The following POLR2B variants were observed in gnomAD, a reference collection of about 807,000 sequenced individuals.
The protein encoded by POLR2B is DNA-directed RNA polymerase II subunit RPB2.
Under a neutral mutation model 144.6 loss-of-function variants are expected in POLR2B, and 57 were observed. That is an observed-to-expected ratio of 0.39 (90% CI 0.32 to 0.49). POLR2B has a LOEUF of 0.49. Ranked by LOEUF, POLR2B falls within the 20% of genes least tolerant of loss-of-function variation. The pLI is 0.83. For synonymous variants in POLR2B, 442 were observed against 469.8 expected (o/e 0.94, Z 0.77); for missense variants, 595 against 1,467.4 (o/e 0.41, Z 9.71).
rs926051263 is a variant in POLR2B, at chr4:57,023,767, C to G, written c.2856+16C>G. Reference sequence around the variant, plus strand: ...TAGACAAGAGGTAGGTATCTTTGATCTCCCTCATGCCCAAACCAGTTTTGT... The same window carrying G: ...TAGACAAGAGGTAGGTATCTTTGATGTCCCTCATGCCCAAACCAGTTTTGT... On this transcript the variant is annotated intron_variant, in intron 20 of 24. Transcript: ENST00000314595. This position sits in a 1 kb window ranked among gnomAD's most constrained non-coding sequence, Gnocchi z 4.3. 1 of 1,469,256 alleles carries G rather than the reference C, an allele frequency of 6.8e-7. No homozygotes were observed. The highest frequency in any genetic ancestry group is 9.4e-7 in the Non-Finnish European group (1 of 1,066,126). The allele number at this position is 1,469,256 out of a possible 1,614,324, so 91.0% of individuals were successfully genotyped here.
rs1722640640 is a variant in POLR2B at position 56,995,180 on chromosome 4, A to G, written c.577-71A>G. 7.1e-6 allele frequency: 8 copies of G among 1,119,108 alleles called. No individual in the cohort carries two copies. The South Asian group carries it at 1.2e-4, about 17-fold the overall frequency. 69.3% of individuals were successfully genotyped at this position (1,119,108 alleles called of 1,614,324 possible). On this transcript the variant is annotated intron_variant, in intron 5 of 24. Transcript: ENST00000314595. ...ATATGGTCAGATTAAATTAAGATGC[A>G]GATTTTACTCTCTTTTCTCTTCAGT...
chr4:56,982,739 G>A (rs922188405), intron 1 of POLR2B, among the ~76,000 whole-genome samples: 4 of 152,050 alleles, frequency 2.6e-5, no homozygotes, highest in African/African-American at 9.7e-5. Flanking sequence ...AAAGATACAG[G>A]AGGATGTGTG....
chr4:57,013,757 A>G (rs1184709672), intron 13 of POLR2B, among the ~76,000 whole-genome samples: 1 of 152,030 alleles, frequency 6.6e-6, no homozygotes, highest in East Asian at 1.9e-4. Context: ...TGTAATGAGA[A>G]CCAATCGTAG....
At chr4:57,010,158 T>G (rs1723143714) in intron 10 of POLR2B, 1 of 527,554 alleles carries the variant, frequency 1.9e-6, no homozygotes, top group African/African-American at 1.9e-5. Context: ...AATGTTTATG[T>G]GGTATGTTTG....
chr4:56,999,987 G>T (rs13121750), intron 7 of POLR2B, among the ~76,000 whole-genome samples: 3,941 of 152,332 alleles, frequency 0.026, 66 homozygotes, highest in Non-Finnish European at 0.038. Context: ...ATGAAAACCA[G>T]AGGCAGCTGG....
In POLR2B at chr4:57,031,016, T is replaced by A. The variant is rs996503992; in HGVS notation, c.*28T>A. On this transcript the variant is annotated 3_prime_UTR_variant, in exon 25 of 25. Transcript: ENST00000314595. ...ATTTTACAGGAGTCAACAAGATAAT[T>A]AAATATCTTGGTGTCTTGTTTCTAT... The A allele has an allele frequency of 1.5e-6, 2 of 1,296,334 alleles. No homozygotes were observed. Among genetic ancestry groups the A allele is most frequent in the African/African-American group, 2.9e-5 (2 of 68,824 alleles). The allele number at this position is 1,296,334 out of a possible 1,614,324, so 80.3% of individuals were successfully genotyped here.
chr4:56,999,576 C>T (rs371980485), intron 6 of POLR2B, 41 bp from the exon 7 acceptor site: 17 of 1,368,906 alleles, frequency 1.2e-5, no homozygotes, highest in Non-Finnish European at 1.6e-5. Flanking sequence ...TTGCTGTGAG[C>T]TTTTGTATAT....
At chr4:57,001,303 C>T (rs1044268704) in intron 7 of POLR2B, among the ~76,000 whole-genome samples, 3 of 152,006 alleles carry the variant, frequency 2.0e-5, no homozygotes, top group Admixed American at 6.6e-5. Flanking sequence ...GGATTACAGG[C>T]ACGTGCCACC....
intron 13 of POLR2B, among the ~76,000 whole-genome samples, chr4:57,012,463 C>G (rs1428708722): frequency 6.6e-6 from 1 of 151,950 alleles, no homozygotes; most frequent in African/African-American, 2.4e-5. Context: ...TTATTACTCT[C>G]CCAAGTAAGG....
Position 56,978,924 on chromosome 4 carries a change from G to A in POLR2B, c.-62G>A, listed in dbSNP as rs907297346. The A allele has an allele frequency of 5.2e-6, 8 of 1,528,474 alleles. No individual in the cohort carries two copies. Among genetic ancestry groups the A allele is most frequent in the Non-Finnish European group, 7.3e-6 (8 of 1,102,440 alleles). 94.7% of individuals were successfully genotyped at this position (1,528,474 alleles called of 1,614,324 possible). On this transcript the variant is annotated 5_prime_UTR_variant, in exon 1 of 25. Coordinates refer to ENST00000314595, the MANE Select transcript of POLR2B (RefSeq NM_000938.3). The stretch of plus-strand genomic sequence containing the variant: ...TCGTCTTTAGCTCCTGGCGCTGCTG[G>A]CTTCTGGGCGGTTTTTGTCTTTTGA...
At chr4:56,990,961 C>A in intron 3 of POLR2B, 63 bp downstream of exon 3, 1 of 1,408,604 alleles carries the variant, frequency 7.1e-7, no homozygotes, top group Non-Finnish European at 9.6e-7. Context: ...TTTAGCCCTT[C>A]TCTTACCTGG....
chr4:57,025,046 A>G, intron 22 of POLR2B, 47 bp downstream of exon 22: 2 of 888,792 alleles, frequency 2.3e-6, no homozygotes, highest in Middle Eastern at 2.3e-4. Flanking sequence ...TTTTTTTTGT[A>G]TGTGTGTAGT....
intron 7 of POLR2B, chr4:57,002,590 CTT>C (rs2109676846): frequency 6.6e-6 from 1 of 151,996 alleles, no homozygotes; most frequent in East Asian, 1.9e-4. Flanking sequence ...AAAAATATCA[CTT>C]TGATTTACTG....
Position 57,013,822 on chromosome 4 carries a change from G to C in POLR2B, c.1801-1680G>C, listed in dbSNP as rs544657856. On this transcript the variant is annotated intron_variant, in intron 13 of 24. Coordinates refer to ENST00000314595, the MANE Select transcript of POLR2B (RefSeq NM_000938.3). ...ACAAAAACAGCTGGTGGGTGAGGTA[G>C]AGTGGTCGGGTGTGGTGGCTCATGC... Among the ~76,000 whole-genome samples, 4 of 152,188 alleles carry C rather than the reference G, an allele frequency of 2.6e-5. No homozygotes were observed. In the South Asian group the frequency reaches 8.3e-4, roughly 32 times the overall value.
Position 57,003,160 on chromosome 4 carries a change from G to A in POLR2B, c.901-2086G>A, listed in dbSNP as rs111872297. On this transcript the variant is annotated intron_variant, in intron 7 of 24. Transcript: ENST00000314595. ...TTAAAATAACCTTTGGGCTGGGTGC[G>A]GTGGCTCACGCCTGTAATCCCAGCA... is the stretch of plus-strand genomic sequence containing the variant. Among the ~76,000 whole-genome samples the A allele has an allele frequency of 8.7e-3, 1,325 of 152,264 alleles. 19 individuals are homozygous for A. Among genetic ancestry groups the A allele is most frequent in the African/African-American group, 0.03 (1,243 of 41,550 alleles).
Position 57,005,731 on chromosome 4 carries a change from C to T in POLR2B, c.1217+12C>T. 1 of 1,606,792 alleles carries T rather than the reference C, an allele frequency of 6.2e-7. No individual in the cohort carries two copies. The highest frequency in any genetic ancestry group is 8.5e-7 in the Non-Finnish European group (1 of 1,177,064). On this transcript the variant is annotated intron_variant, in intron 9 of 24. Coordinates refer to ENST00000314595, the MANE Select transcript of POLR2B (RefSeq NM_000938.3). ...TTCTTATTTAGAGGGTAAGGAATTA[C>T]AGAATGAAGTCATTAAAGCAGGGAG...
intron 3 of POLR2B, among the ~76,000 whole-genome samples, chr4:56,992,464 C>CCAAA (rs1722544386): frequency 5.8e-5 from 1 of 17,140 alleles, no homozygotes. Context: ...GACTCTGTCT[C>CCAAA]AAAAAAAAAA....
chr4:57,023,662 G>A lies in POLR2B; in HGVS notation c.2767G>A (p.Val923Ile). 1 of 1,611,890 alleles carries A rather than the reference G, an allele frequency of 6.2e-7. No homozygotes were observed. The highest frequency in any genetic ancestry group is 8.5e-7 in the Non-Finnish European group (1 of 1,178,524). The change falls in exon 20 of 25, where the codon GTA (valine) becomes ATA (isoleucine). Residue 923 changes from valine to isoleucine, a missense_variant and splice_region_variant. By Grantham distance (29) the Val-to-Ile change is conservative. Coordinates refer to ENST00000314595, the MANE Select transcript of POLR2B (RefSeq NM_000938.3). The surrounding 1 kb of genome is among the most constrained non-coding windows in gnomAD (Gnocchi z 4.3). ...QEGYKFCKIR[V>I]RSVRIPQIGD... ...CTAACTTATTTTTATATGAATTTAG[G>A]TACGCTCTGTTAGGATTCCACAGAT...
At chr4:56,985,761 C>T (rs1209841166) in intron 1 of POLR2B, among the ~76,000 whole-genome samples, 2 of 152,136 alleles carry the variant, frequency 1.3e-5, no homozygotes, top group African/African-American at 2.4e-5. Flanking sequence ...AACTTCATTG[C>T]CTTTTCTGAC....
Sources: gnomAD v4.1 joint callset for allele counts (sites outside exome capture counted in the v4.1 genomes callset) on GRCh38, gnomAD v4.1.1 for gene constraint, Gnocchi (gnomAD v3.1) non-coding constraint, MANE v1.5 for transcripts, NCBI Gene and HGNC (gene_info 2026-07-23, HGNC 2026-07-21) for gene names.